Variants in SPAG16 observed in about 807,000 individuals in gnomAD.
SPAG16 encodes the protein sperm associated antigen 16, also known as sperm-associated antigen 16 protein.
Under a neutral mutation model 80.4 loss-of-function variants are expected in SPAG16, and 86 were observed. The ratio of observed to expected loss-of-function variants is 1.07; its 90% confidence interval spans 0.90 to 1.28. The LOEUF is 1.28. Among genes scored for constraint, SPAG16 ranks in the 50% most tolerant of loss-of-function variants. SPAG16 has a pLI of 0.00. For synonymous variants in SPAG16, 294 were observed against 265.9 expected, an observed-to-expected ratio of 1.11 and a Z score of -1.03; for missense variants, 870 against 765.3, an observed-to-expected ratio of 1.14 and a Z score of -1.61.
intron 15 of SPAG16, among the ~76,000 whole-genome samples, chr2:214,325,073 AT>A (rs1385092915): frequency 6.6e-6 from 1 of 152,182 alleles, no homozygotes; most frequent in Non-Finnish European, 1.5e-5. Context: ...AAACTTACTT[AT>A]TTTTCTCATT....
At position 214,279,302 on chromosome 2, in the gene SPAG16, C is replaced by T. The variant is rs993357249; in HGVS notation, c.1720+130036C>T. On this transcript the variant is annotated intron_variant, in intron 15 of 15. Transcript: ENST00000331683. ...AGTAAAGACTGGGTTTCACCATGTT[C>T]GCAAGGATGGTCTCAATCTCTTGAC... 1.1e-4 allele frequency among the ~76,000 whole-genome samples: 17 copies of T among 152,024 alleles called. 1 individual carries two copies. Among genetic ancestry groups the T allele is most frequent in the East Asian group, 1.9e-4 (1 of 5,162 alleles).
At chr2:213,507,965 G>A (rs998385835) in intron 10 of SPAG16, among the ~76,000 whole-genome samples, 5 of 152,180 alleles carry the variant, frequency 3.3e-5, no homozygotes, top group Non-Finnish European at 7.3e-5. Context: ...TGGGGCAAGA[G>A]CTTCAGGTAA....
chr2:213,461,384 T>A (rs1033620285), intron 9 of SPAG16, among the ~76,000 whole-genome samples: 3 of 152,192 alleles, frequency 2.0e-5, no homozygotes, highest in East Asian at 3.9e-4. Flanking sequence ...ATCTTAGGAA[T>A]TTAAACTTTA....
At chr2:213,670,824 C>T (rs2063789177) in intron 10 of SPAG16, among the ~76,000 whole-genome samples, 1 of 152,028 alleles carries the variant, frequency 6.6e-6, no homozygotes, top group Non-Finnish European at 1.5e-5. Flanking sequence ...TTCTCAAATG[C>T]CGCATATATC....
intron 4 of SPAG16, among the ~76,000 whole-genome samples, chr2:213,315,300 C>T (rs1396612266): frequency 6.6e-6 from 1 of 151,890 alleles, no homozygotes; most frequent in Non-Finnish European, 1.5e-5. Context: ...TCCCTCTTTA[C>T]CACCCTGCTG....
intron 3 of SPAG16, among the ~76,000 whole-genome samples, chr2:213,299,129 A>C (rs373630089): frequency 6.6e-6 from 1 of 152,162 alleles, no homozygotes; most frequent in African/African-American, 2.4e-5. Context: ...AGTAATCTCT[A>C]TGCACAGAAC....
rs1392751711 is a variant in SPAG16, at chr2:214,125,163, G to A, written c.1593+16902G>A. 2.6e-5 allele frequency among the ~76,000 whole-genome samples: 4 copies of A among 151,392 alleles called. No homozygotes were observed. In the East Asian group the frequency reaches 5.8e-4, roughly 22 times the overall value. On this transcript the variant is annotated intron_variant, in intron 14 of 15. Coordinates refer to ENST00000331683, the MANE Select transcript of SPAG16 (RefSeq NM_024532.5). Reference sequence around the variant, plus strand: ...TGCATTTAGATCCCTTATTCCACCTGAGCTGGAGAAAGTTAGGACCACAGA... The same window carrying A: ...TGCATTTAGATCCCTTATTCCACCTAAGCTGGAGAAAGTTAGGACCACAGA...
In SPAG16 at chr2:214,243,972, A is replaced by C. The variant is rs573717588; in HGVS notation, c.1720+94706A>C. On this transcript the variant is annotated intron_variant, in intron 15 of 15. Transcript: ENST00000331683. Reference sequence around the variant, plus strand: ...AAAGACAGGAAAGTGTAATGTGATCACCAGTAATGTTTCTAAAGTTCAAAT... The same window carrying C: ...AAAGACAGGAAAGTGTAATGTGATCCCCAGTAATGTTTCTAAAGTTCAAAT... 4.6e-5 allele frequency among the ~76,000 whole-genome samples: 7 copies of C among 152,236 alleles called. No individual in the cohort carries two copies. The South Asian group carries it at 1.5e-3, about 32-fold the overall frequency.
At chr2:213,507,881 G>C (rs552310201) in intron 10 of SPAG16, among the ~76,000 whole-genome samples, 1 of 152,296 alleles carries the variant, frequency 6.6e-6, no homozygotes, top group East Asian at 1.9e-4. Context: ...TTTCCTCTAA[G>C]TAAACAATCA....
chr2:213,992,844 A>G (rs998113868), intron 12 of SPAG16, among the ~76,000 whole-genome samples: 2 of 152,242 alleles, frequency 1.3e-5, no homozygotes, highest in African/African-American at 2.4e-5. Flanking sequence ...GCCTTATAAT[A>G]CAGATGTCTA....
At chr2:213,982,743 A>G (rs1217600831) in intron 12 of SPAG16, among the ~76,000 whole-genome samples, 1 of 151,282 alleles carries the variant, frequency 6.6e-6, no homozygotes, top group Non-Finnish European at 1.5e-5. Context: ...TAAGAGTAAA[A>G]GATAACTGAA....
chr2:213,341,353 C>T (rs4673740), intron 6 of SPAG16, among the ~76,000 whole-genome samples: 148,334 of 152,276 alleles, frequency 0.97, 72,360 homozygotes, highest in East Asian at 1. Context: ...AGCTATAGGA[C>T]AGAGTGTTTT....
chr2:213,937,001 T>C (rs867248220), intron 12 of SPAG16, among the ~76,000 whole-genome samples: 3 of 152,134 alleles, frequency 2.0e-5, no homozygotes, highest in Non-Finnish European at 2.9e-5. Context: ...TTATGATGAA[T>C]TACCTTCTGT....
chr2:214,088,234 GT>G (rs1368597007), intron 13 of SPAG16, among the ~76,000 whole-genome samples: 1 of 151,980 alleles, frequency 6.6e-6, no homozygotes, highest in East Asian at 1.9e-4. Flanking sequence ...AAAGATGGCT[GT>G]TATGGAAGTC....
chr2:213,391,484 T>C (rs536836505), intron 9 of SPAG16, among the ~76,000 whole-genome samples: 49 of 152,178 alleles, frequency 3.2e-4, no homozygotes, highest in Non-Finnish European at 5.0e-4. Flanking sequence ...CTACCACTTA[T>C]TACCTGTACA....
At chr2:213,514,573 C>T (rs1366329303) in intron 10 of SPAG16, among the ~76,000 whole-genome samples, 6 of 150,716 alleles carry the variant, frequency 4.0e-5, no homozygotes, top group African/African-American at 9.8e-5. Flanking sequence ...CCCACTAACT[C>T]GTCATCTAGC....
At chr2:213,320,234 T>C (rs1248191472) in intron 5 of SPAG16, among the ~76,000 whole-genome samples, 1 of 152,004 alleles carries the variant, frequency 6.6e-6, no homozygotes, top group Non-Finnish European at 1.5e-5. Context: ...TAATTGTACA[T>C]ACATTTATAT....
chr2:213,965,869 G>C (rs757718534), intron 12 of SPAG16, among the ~76,000 whole-genome samples: 2 of 152,178 alleles, frequency 1.3e-5, no homozygotes, highest in Non-Finnish European at 2.9e-5. Context: ...GAATAACATA[G>C]CTACTCTATG....
At chr2:213,962,304 T>C (rs1383983119) in intron 12 of SPAG16, among the ~76,000 whole-genome samples, 1 of 150,398 alleles carries the variant, frequency 6.6e-6, no homozygotes, top group East Asian at 2.0e-4. Context: ...GCCATTCTCC[T>C]GCCTCAGCCT....
Sources: allele counts gnomAD v4.1 joint callset (sites outside exome capture counted in the v4.1 genomes callset), GRCh38; gene constraint gnomAD v4.1.1; transcripts MANE v1.5; gene names NCBI Gene and HGNC (gene_info 2026-07-23, HGNC 2026-07-21).